The following TCEANC2 variants were observed in gnomAD, a reference collection of about 807,000 sequenced individuals.
TCEANC2 encodes the protein transcription elongation factor A N-terminal and central domain-containing protein 2.
TCEANC2 carries 20 observed loss-of-function variants against 22.8 expected under a neutral mutation model. The observed-to-expected ratio is 0.88, with a 90% confidence interval of 0.62 to 1.28. The LOEUF (loss-of-function observed/expected upper bound fraction) is 1.28. Ranked by LOEUF, TCEANC2 falls within the 50% of genes most tolerant of loss-of-function variation. The pLI is 0.00. For synonymous variants in TCEANC2, 84 were observed against 95.5 expected (o/e 0.88, Z 0.70); for missense variants, 251 against 249.7 (o/e 1.01, Z -0.03).
At chr1:54,112,134 A>G (rs935188795) in exon 5 of TCEANC2, 5 of 152,166 alleles carry the variant, frequency 3.3e-5, no homozygotes, top group African/African-American at 1.2e-4. Context: ...CTCGAGCTTA[A>G]GAGTTCAAGA....
At chr1:54,055,881 T>TATATC (rs1426612498) in intron 2 of TCEANC2, among the ~76,000 whole-genome samples, 1 of 152,218 alleles carries the variant, frequency 6.6e-6, no homozygotes, top group African/African-American at 2.4e-5. Flanking sequence ...GAGATTGAAC[T>TATATC]ATATCAGTGT....
chr1:54,086,940 T>C (rs908317827), intron 3 of TCEANC2, among the ~76,000 whole-genome samples: 5 of 152,150 alleles, frequency 3.3e-5, no homozygotes, highest in African/African-American at 1.2e-4. Context: ...ATTAAGGAAG[T>C]GGGCACAAAC....
intron 2 of TCEANC2, among the ~76,000 whole-genome samples, chr1:54,067,017 G>A (rs139831758): frequency 4.7e-4 from 71 of 152,272 alleles, no homozygotes; most frequent in African/African-American, 1.6e-3. Flanking sequence ...AAGGAAGAGG[G>A]GAGAGAGAAT....
exon 5 of TCEANC2, chr1:54,111,495 C>G (rs547020908): frequency 6.6e-6 from 1 of 152,364 alleles, no homozygotes; most frequent in African/African-American, 2.4e-5. Context: ...GGCCAGTCCC[C>G]TCTCCACATT....
At chr1:54,072,511 C>T (rs1172373803) in intron 3 of TCEANC2, among the ~76,000 whole-genome samples, 1 of 152,076 alleles carries the variant, frequency 6.6e-6, no homozygotes, top group Non-Finnish European at 1.5e-5. Flanking sequence ...ATTCTCCTGC[C>T]TCAGCCTCCC....
At chr1:54,074,414 G>A (rs1285144942) in intron 3 of TCEANC2, among the ~76,000 whole-genome samples, 15 of 152,110 alleles carry the variant, frequency 9.9e-5, no homozygotes. Context: ...AGTGAGCCGA[G>A]ATCATGCCCC....
Position 54,068,803 on chromosome 1 carries a change from G to A in TCEANC2, c.150G>A (p.Glu50=), listed in dbSNP as rs1444175990. ...EDIKRWKTML[E]LPDQTKENLV... is the part of the protein sequence containing the mutation. ...TAAAAAGATGGAAAACTATGCTGGAGCTTCCTGATCAAACCAAAGAGAATC... is the reference window on the plus strand; with the variant it reads ...TAAAAAGATGGAAAACTATGCTGGAACTTCCTGATCAAACCAAAGAGAATC... The change falls in exon 3 of 5, where the codon GAG becomes GAA. Residue 50 remains glutamate (E), a synonymous_variant. Transcript: ENST00000234827. 1.2e-6 allele frequency: 2 copies of A among 1,612,330 alleles called. No individual in the cohort carries two copies. The highest frequency in any genetic ancestry group is 2.2e-5 in the South Asian group (2 of 90,550).
chr1:54,068,128 T>G (rs1393036085), intron 2 of TCEANC2, among the ~76,000 whole-genome samples: 1 of 152,198 alleles, frequency 6.6e-6, no homozygotes, highest in African/African-American at 2.4e-5. Context: ...GGTACATAGT[T>G]TCTTCTAGGA....
intron 4 of TCEANC2, among the ~76,000 whole-genome samples, chr1:54,095,550 C>G (rs1658528554): frequency 1.3e-5 from 2 of 152,202 alleles, no homozygotes. Flanking sequence ...GGTCTGGGAC[C>G]TCAAGATGGC....
At chr1:54,094,597 C>T (rs1385795443) in intron 4 of TCEANC2, among the ~76,000 whole-genome samples, 3 of 152,174 alleles carry the variant, frequency 2.0e-5, no homozygotes, top group East Asian at 1.9e-4. Flanking sequence ...TGCACAGGAT[C>T]CTTACAACCC....
chr1:54,059,650 T>C (rs1657815469), intron 2 of TCEANC2, among the ~76,000 whole-genome samples: 1 of 152,240 alleles, frequency 6.6e-6, no homozygotes, highest in Admixed American at 6.5e-5. Flanking sequence ...TTTACTGTAT[T>C]GTAATTGTCT....
intron 3 of TCEANC2, among the ~76,000 whole-genome samples, chr1:54,071,237 T>C (rs1658050867): frequency 1.3e-5 from 2 of 152,330 alleles, no homozygotes; most frequent in East Asian, 3.9e-4. Flanking sequence ...CTCTAAAATT[T>C]AGCTGCTGAA....
At chr1:54,084,292 C>T (rs1289278022) in intron 3 of TCEANC2, among the ~76,000 whole-genome samples, 18 of 152,218 alleles carry the variant, frequency 1.2e-4, no homozygotes, top group Admixed American at 1.0e-3. Context: ...GGGTTACAGA[C>T]GCTAGCTGCT....
At chr1:54,086,328 C>T (rs1658339763) in intron 3 of TCEANC2, among the ~76,000 whole-genome samples, 1 of 152,172 alleles carries the variant, frequency 6.6e-6, no homozygotes, top group South Asian at 2.1e-4. Flanking sequence ...TTACAACTAA[C>T]TCTAGTAATT....
At chr1:54,067,115 T>C (rs1234246568) in intron 2 of TCEANC2, among the ~76,000 whole-genome samples, 4 of 152,230 alleles carry the variant, frequency 2.6e-5, no homozygotes, top group Non-Finnish European at 5.9e-5. Flanking sequence ...GAGATCAGTC[T>C]CTGCCTAGGA....
At position 54,068,752 on chromosome 1, in the gene TCEANC2, C is replaced by T; in HGVS notation, c.103-4C>T. 1.3e-6 allele frequency: 2 copies of T among 1,584,316 alleles called. No individual in the cohort carries two copies. Among genetic ancestry groups the T allele is most frequent in the Non-Finnish European group, 1.7e-6 (2 of 1,171,026 alleles). On this transcript the variant is annotated splice_region_variant and splice_polypyrimidine_tract_variant and intron_variant, in intron 2 of 4. Transcript: ENST00000234827. The stretch of plus-strand genomic sequence containing the variant: ...ATTTTCCAAATGACTTTTCTTTTTC[C>T]CAGAGAGTTGTGGTTGTAGAAGACA...
At chr1:54,055,809 T>G (rs1265296157) in intron 2 of TCEANC2, among the ~76,000 whole-genome samples, 1 of 152,224 alleles carries the variant, frequency 6.6e-6, no homozygotes, top group East Asian at 1.9e-4. Flanking sequence ...GGTAACTGGG[T>G]GATCTTTAGT....
intron 4 of TCEANC2, among the ~76,000 whole-genome samples, chr1:54,092,137 A>G (rs1297491072): frequency 6.6e-6 from 1 of 152,238 alleles, no homozygotes; most frequent in South Asian, 2.1e-4. Context: ...TGCTATTGGA[A>G]AACCCACACA....
chr1:54,091,360 G>A (rs1658443865), intron 4 of TCEANC2, among the ~76,000 whole-genome samples: 1 of 152,142 alleles, frequency 6.6e-6, no homozygotes, highest in African/African-American at 2.4e-5. Flanking sequence ...AATGTTGAGT[G>A]CGTTCAAATC....
Sources: gnomAD v4.1 joint callset for allele counts (sites outside exome capture counted in the v4.1 genomes callset) on GRCh38, gnomAD v4.1.1 for gene constraint, MANE v1.5 for transcripts, NCBI Gene and HGNC (gene_info 2026-07-23, HGNC 2026-07-21) for gene names.